NBEA: variants seen among roughly 807,000 people sequenced by gnomAD.
The protein encoded by NBEA is lysosomal-trafficking regulator 2.
NBEA carries 44 observed loss-of-function variants against 343.4 expected under a neutral mutation model. The ratio of observed to expected loss-of-function variants is 0.13; its 90% CI spans 0.10 to 0.16. The LOEUF (loss-of-function observed/expected upper bound fraction) is 0.16, where lower values mean the gene tolerates loss of function less well. Ranked by LOEUF, NBEA falls within the 10% of genes least tolerant of loss-of-function variation. The pLI is 1.00. For synonymous variants in NBEA, 1,175 were observed against 1,238.7 expected, an observed-to-expected ratio of 0.95 and a Z score of 1.08; for missense variants, 2,555 against 3,631.3, an observed-to-expected ratio of 0.70 and a Z score of 7.62.
At chr13:35,021,938 G>T (rs1404464094) in intron 1 of NBEA, among the ~76,000 whole-genome samples, 1 of 152,014 alleles carries the variant, frequency 6.6e-6, no homozygotes, top group Non-Finnish European at 1.5e-5. Flanking sequence ...TTTTTGTGTG[G>T]ATTTAAAATT....
intron 38 of NBEA, among the ~76,000 whole-genome samples, chr13:35,377,260 A>G (rs1395157335): frequency 6.6e-6 from 1 of 152,176 alleles, no homozygotes; most frequent in Non-Finnish European, 1.5e-5. Context: ...AGCAGCAGCA[A>G]TGGTGAAACA....
intron 39 of NBEA, among the ~76,000 whole-genome samples, chr13:35,439,676 C>T (rs2045629185): frequency 6.6e-6 from 1 of 152,098 alleles, no homozygotes. Context: ...CACATGTATA[C>T]ATATGTAACA....
intron 11 of NBEA, among the ~76,000 whole-genome samples, chr13:35,101,368 C>G (rs2065639728): frequency 6.6e-6 from 1 of 151,862 alleles, no homozygotes; most frequent in Non-Finnish European, 1.5e-5. Context: ...CTTTTTGATT[C>G]TGACCCTCCT....
chr13:35,224,757 G>A lies in NBEA; in HGVS notation c.5649-7735G>A, dbSNP rs974314351. Reference sequence around the variant, plus strand: ...GTTCATCTGTGATTTTGATTCTATCGGTTTTTCTCTGGCTTTTTTTGTTTG... The same window carrying A: ...GTTCATCTGTGATTTTGATTCTATCAGTTTTTCTCTGGCTTTTTTTGTTTG... On this transcript the variant is annotated intron_variant, in intron 33 of 58. Coordinates refer to ENST00000379939, the MANE Select transcript of NBEA (RefSeq NM_001385012.1). Among the ~76,000 whole-genome samples, 7 of 151,856 alleles carry A rather than the reference G, an allele frequency of 4.6e-5. No homozygotes were observed. The East Asian group carries it at 5.8e-4, about 13-fold the overall frequency.
intron 1 of NBEA, among the ~76,000 whole-genome samples, chr13:34,946,317 T>TA (rs1258734653): frequency 3.0e-4 from 45 of 152,296 alleles, no homozygotes; most frequent in Non-Finnish European, 1.3e-4. Context: ...CCTAATCTAT[T>TA]ACTTCTTTTG....
At chr13:35,071,962 A>C (rs1379713190) in intron 10 of NBEA, among the ~76,000 whole-genome samples, 2 of 152,108 alleles carry the variant, frequency 1.3e-5, no homozygotes, top group Non-Finnish European at 2.9e-5. Flanking sequence ...TGGAGTTTTG[A>C]AAGTAAAAAG....
chr13:35,494,900 C>T (rs1451707291), intron 41 of NBEA, among the ~76,000 whole-genome samples: 1 of 151,752 alleles, frequency 6.6e-6, no homozygotes, highest in African/African-American at 2.4e-5. Context: ...GTCCCAGATA[C>T]TGAGGAGGCT....
At chr13:35,041,508 A>G (rs2062648569) in intron 2 of NBEA, among the ~76,000 whole-genome samples, 1 of 151,966 alleles carries the variant, frequency 6.6e-6, no homozygotes, top group East Asian at 1.9e-4. Context: ...TAGGTATTAC[A>G]GTTCTGTATA....
chr13:35,504,312 G>A (rs575582819), intron 41 of NBEA, among the ~76,000 whole-genome samples: 170 of 152,264 alleles, frequency 1.1e-3, no homozygotes, highest in Non-Finnish European at 2.0e-3. Flanking sequence ...CAAACTCTGC[G>A]TTTTGTGGCT....
chr13:34,989,819 G>A lies in NBEA; in HGVS notation c.294+46705G>A, dbSNP rs758419761. ...GGCACGTCTATTTGCCTATGAGCCT[G>A]TAAAACCATAAACAAGTTAGTTACC... On this transcript the variant is annotated intron_variant, in intron 1 of 58. Coordinates refer to ENST00000379939, the MANE Select transcript of NBEA (RefSeq NM_001385012.1). Among the ~76,000 whole-genome samples, 51 of 150,948 alleles carry A rather than the reference G, an allele frequency of 3.4e-4. 7 individuals carry two copies. The highest frequency in any genetic ancestry group is 6.8e-4 in the Non-Finnish European group (46 of 67,428).
chr13:35,265,228 C>G (rs76229453), intron 34 of NBEA, among the ~76,000 whole-genome samples: 6 of 151,574 alleles, frequency 4.0e-5, no homozygotes, highest in African/African-American at 1.5e-4. Flanking sequence ...AAAGAAATGG[C>G]GGAAGACACA....
intron 1 of NBEA, among the ~76,000 whole-genome samples, chr13:35,013,547 T>C (rs1319770365): frequency 1.3e-5 from 2 of 151,952 alleles, no homozygotes; most frequent in Admixed American, 6.6e-5. Flanking sequence ...CTTGGCTCAC[T>C]GCAACCTCTG....
intron 48 of NBEA, among the ~76,000 whole-genome samples, chr13:35,619,997 T>C (rs2153059783): frequency 6.6e-6 from 1 of 152,226 alleles, no homozygotes; most frequent in Middle Eastern, 3.4e-3. Flanking sequence ...TGCTCTGGGC[T>C]CTGGGAACAC....
chr13:35,605,178 A>C (rs975158540), intron 47 of NBEA, among the ~76,000 whole-genome samples: 1 of 152,202 alleles, frequency 6.6e-6, no homozygotes, highest in Admixed American at 6.5e-5. Context: ...ATTTATCCAG[A>C]AAAATCATTT....
At chr13:35,624,091 CA>C (rs2083120686) in intron 48 of NBEA, among the ~76,000 whole-genome samples, 1 of 150,560 alleles carries the variant, frequency 6.6e-6, no homozygotes, top group Non-Finnish European at 1.5e-5. Flanking sequence ...AGAATTGCAT[CA>C]GGACTAAGTA....
intron 44 of NBEA, among the ~76,000 whole-genome samples, chr13:35,558,690 C>G (rs1402610122): frequency 6.6e-6 from 1 of 152,142 alleles, no homozygotes; most frequent in Non-Finnish European, 1.5e-5. Context: ...AATCAGAAGC[C>G]GGCAACCTGC....
At chr13:35,205,901 C>A (rs2073362091) in intron 31 of NBEA, among the ~76,000 whole-genome samples, 1 of 152,000 alleles carries the variant, frequency 6.6e-6, no homozygotes, top group Admixed American at 6.6e-5. Context: ...TTATGCATCT[C>A]ATTTTAATGG....
intron 1 of NBEA, among the ~76,000 whole-genome samples, chr13:34,992,262 A>ATATAT (rs1459023833): frequency 7.0e-5 from 8 of 114,322 alleles, no homozygotes; most frequent in South Asian, 2.8e-4. Flanking sequence ...ATATATATAT[A>ATATAT]TTTTTTTTTT....
intron 1 of NBEA, among the ~76,000 whole-genome samples, chr13:35,038,374 TG>T (rs2062526650): frequency 6.6e-6 from 1 of 152,124 alleles, no homozygotes; most frequent in Non-Finnish European, 1.5e-5. Context: ...GTAGTGTTGT[TG>T]GTACCTAAGA....
Sources: gnomAD v4.1 joint callset for allele counts (sites outside exome capture counted in the v4.1 genomes callset) on GRCh38, gnomAD v4.1.1 for gene constraint, MANE v1.5 for transcripts, NCBI Gene and HGNC (gene_info 2026-07-23, HGNC 2026-07-21) for gene names.